The following EBF2 variants were observed in gnomAD, a reference collection of about 807,000 sequenced individuals.
The protein encoded by EBF2 is EBF transcription factor 2.
EBF2 carries 21 observed loss-of-function variants against 72.8 expected under a neutral mutation model. The observed-to-expected ratio is 0.29, with a 90% confidence interval of 0.20 to 0.42. The LOEUF is 0.42. Among genes scored for constraint, EBF2 ranks in the 10% least tolerant of loss-of-function variants. The pLI is 1.00. For synonymous variants in EBF2, 299 were observed against 274.2 expected (o/e 1.09, Z -0.89); for missense variants, 637 against 731.2 (o/e 0.87, Z 1.49).
intron 7 of EBF2, among the ~76,000 whole-genome samples, chr8:25,893,459 G>A (rs769388228): frequency 6.6e-6 from 1 of 151,672 alleles, no homozygotes; most frequent in African/African-American, 2.4e-5. Context: ...GCTAATTTTT[G>A]TATTTTTGGG....
intron 6 of EBF2, among the ~76,000 whole-genome samples, chr8:25,928,747 T>C (rs1803430638): frequency 7.7e-6 from 1 of 129,524 alleles, no homozygotes; most frequent in Non-Finnish European, 1.6e-5. Flanking sequence ...CTAGGCTACA[T>C]GGGATAATGA....
At chr8:26,008,882 AAAC>A (rs1007991407) in intron 6 of EBF2, among the ~76,000 whole-genome samples, 4 of 151,798 alleles carry the variant, frequency 2.6e-5, no homozygotes, top group South Asian at 2.1e-4. Flanking sequence ...GCAGAAATAA[AAAC>A]AACAACACAT....
intron 6 of EBF2, among the ~76,000 whole-genome samples, chr8:26,021,689 A>G (rs1245603176): frequency 6.6e-6 from 1 of 152,256 alleles, no homozygotes; most frequent in East Asian, 1.9e-4. Context: ...ACTTGGATAT[A>G]CATACTAAAA....
At chr8:25,999,607 T>A (rs1191847799) in intron 6 of EBF2, among the ~76,000 whole-genome samples, 1 of 151,920 alleles carries the variant, frequency 6.6e-6, no homozygotes, top group Non-Finnish European at 1.5e-5. Flanking sequence ...CTGCTTTCTT[T>A]CATGTTTTTA....
At chr8:25,945,053 G>A (rs1166730392) in intron 6 of EBF2, among the ~76,000 whole-genome samples, 2 of 151,748 alleles carry the variant, frequency 1.3e-5, no homozygotes, top group African/African-American at 4.8e-5. Flanking sequence ...TTATTCCATG[G>A]GACAATTATT....
intron 10 of EBF2, among the ~76,000 whole-genome samples, chr8:25,885,575 A>G (rs1342332101): frequency 2.6e-5 from 4 of 152,110 alleles, no homozygotes; most frequent in East Asian, 1.9e-4. Context: ...AGCTCCCATA[A>G]TTCCCATGTG....
Position 25,956,399 on chromosome 8 carries a change from CCTT to C in EBF2, c.552-47847_552-47845del, listed in dbSNP as rs201306652. Among the ~76,000 whole-genome samples the C allele has an allele frequency of 3.1e-3, 471 of 151,036 alleles. 6 individuals are homozygous for C. The highest frequency in any genetic ancestry group is 0.02 in the Admixed American group (301 of 15,202). ...CAGCCTGGGCAACAAGAGCGAAACT[CCTT>C]CTCAAAAAAAAAAAAAATTATTATT... On this transcript the variant is annotated intron_variant, in intron 6 of 15. Transcript: ENST00000520164.
intron 6 of EBF2, among the ~76,000 whole-genome samples, chr8:26,005,166 A>G (rs1246488280): frequency 4.5e-5 from 6 of 134,578 alleles, no homozygotes; most frequent in African/African-American, 1.7e-4. Context: ...GAACACTGCT[A>G]AGAAGTTAGT....
At chr8:26,013,037 T>C (rs906196092) in intron 6 of EBF2, among the ~76,000 whole-genome samples, 3 of 152,146 alleles carry the variant, frequency 2.0e-5, no homozygotes, top group African/African-American at 7.2e-5. Context: ...GTCAAATATA[T>C]GGCATCCTAG....
At chr8:25,904,451 G>T (rs186538120) in intron 7 of EBF2, among the ~76,000 whole-genome samples, 3 of 151,248 alleles carry the variant, frequency 2.0e-5, no homozygotes, top group South Asian at 2.1e-4. Context: ...AGGGAAGGAG[G>T]GGGGAGAGTT....
chr8:26,012,861 G>A (rs933348785), intron 6 of EBF2, among the ~76,000 whole-genome samples: 2 of 152,144 alleles, frequency 1.3e-5, no homozygotes, highest in Non-Finnish European at 2.9e-5. Context: ...CATGGTGCAG[G>A]CCTTCTGTTA....
chr8:25,849,542 C>G (rs1801915930), intron 15 of EBF2, among the ~76,000 whole-genome samples: 1 of 152,128 alleles, frequency 6.6e-6, no homozygotes, highest in Non-Finnish European at 1.5e-5. Flanking sequence ...TTACCCAACC[C>G]TGCTTGTTGT....
At chr8:25,977,196 T>C (rs998072303) in intron 6 of EBF2, among the ~76,000 whole-genome samples, 1 of 152,190 alleles carries the variant, frequency 6.6e-6, no homozygotes, top group Non-Finnish European at 1.5e-5. Flanking sequence ...GAGAAGTGGC[T>C]CGGGGTACAG....
intron 13 of EBF2, among the ~76,000 whole-genome samples, chr8:25,859,311 C>A (rs1451021431): frequency 6.6e-6 from 1 of 152,178 alleles, no homozygotes; most frequent in Non-Finnish European, 1.5e-5. Flanking sequence ...TTTGGCGGGG[C>A]CTGGAGGGGA....
chr8:25,938,392 GTTTTT>G (rs377084156), intron 6 of EBF2, among the ~76,000 whole-genome samples: 6 of 142,996 alleles, frequency 4.2e-5, no homozygotes, highest in Admixed American at 2.1e-4. Flanking sequence ...AAAAAGCCTA[GTTTTT>G]TTTTTGTCTT....
At chr8:25,896,236 A>G (rs1802862401) in intron 7 of EBF2, among the ~76,000 whole-genome samples, 1 of 152,218 alleles carries the variant, frequency 6.6e-6, no homozygotes, top group African/African-American at 2.4e-5. Flanking sequence ...ACCTCCCCGT[A>G]TGGGCCAGAG....
chr8:25,981,760 C>A (rs1804364905), intron 6 of EBF2, among the ~76,000 whole-genome samples: 1 of 148,930 alleles, frequency 6.7e-6, no homozygotes, highest in African/African-American at 2.5e-5. Context: ...GGCACCACTG[C>A]ACTCCAGCCT....
intron 6 of EBF2, among the ~76,000 whole-genome samples, chr8:26,001,085 A>C (rs910637485): frequency 2.6e-5 from 4 of 152,212 alleles, no homozygotes; most frequent in African/African-American, 7.2e-5. Flanking sequence ...GGGGTACCTA[A>C]AAAGATGTGC....
chr8:26,010,635 T>C (rs1406389963), intron 6 of EBF2, among the ~76,000 whole-genome samples: 2 of 152,180 alleles, frequency 1.3e-5, no homozygotes, highest in African/African-American at 2.4e-5. Context: ...GCTTGAGAGC[T>C]GCCTCGGAAA....
Sources: allele counts gnomAD v4.1 joint callset (sites outside exome capture counted in the v4.1 genomes callset), GRCh38; gene constraint gnomAD v4.1.1; transcripts MANE v1.5; gene names NCBI Gene and HGNC (gene_info 2026-07-23, HGNC 2026-07-21).